Variants in HSPA12A observed in about 807,000 individuals in gnomAD.
HSPA12A encodes heat shock protein family A (Hsp70) member 12A, also known as heat shock 70 kDa protein 12A.
Under a neutral mutation model 69.2 loss-of-function variants are expected in HSPA12A, and 28 were observed. That is an observed-to-expected ratio of 0.40 (90% CI 0.30 to 0.55). The LOEUF (loss-of-function observed/expected upper bound fraction) is 0.55. HSPA12A is among the 20% of genes least tolerant of loss of function. The pLI is 0.38. For missense variants in HSPA12A, 686 were observed against 900.7 expected (o/e 0.76, Z 3.05); for synonymous variants, 345 against 370.5 (o/e 0.93, Z 0.79).
At chr10:116,777,830 C>A (rs999926684) in intron 2 of HSPA12A, among the ~76,000 whole-genome samples, 3 of 152,204 alleles carry the variant, frequency 2.0e-5, no homozygotes, top group Non-Finnish European at 4.4e-5. Flanking sequence ...TGGGTTCAAG[C>A]GATTCTCCTG....
At chr10:116,721,920 T>A (rs1554884414) in intron 1 of HSPA12A, among the ~76,000 whole-genome samples, 1 of 152,212 alleles carries the variant, frequency 6.6e-6, no homozygotes, top group African/African-American at 2.4e-5. Flanking sequence ...GACCCCTTGT[T>A]CCAGCCCCGA....
chr10:116,690,904 T>C (rs1849716872), intron 6 of HSPA12A, among the ~76,000 whole-genome samples: 1 of 152,060 alleles, frequency 6.6e-6, no homozygotes, highest in African/African-American at 2.4e-5. Context: ...AAACCATGAA[T>C]CTTGAATATT....
intron 1 of HSPA12A, among the ~76,000 whole-genome samples, chr10:116,708,860 G>A (rs370869909): frequency 2.0e-5 from 3 of 152,312 alleles, no homozygotes; most frequent in Admixed American, 2.0e-4. Context: ...CACTGACTAG[G>A]ATGGCTACAG....
chr10:116,745,732 A>G (rs1486409491), upstream of HSPA12A, among the ~76,000 whole-genome samples: 6 of 152,084 alleles, frequency 3.9e-5, no homozygotes, highest in Non-Finnish European at 8.8e-5. Context: ...CTCAGCTTGG[A>G]TGGCACTTCC....
Position 116,671,327 on chromosome 10 carries a change from T to G in HSPA12A, c.*3454A>C, listed in dbSNP as rs1303823232. The G allele has an allele frequency of 6.6e-6, 1 of 152,194 alleles. No homozygotes were observed. The highest frequency in any genetic ancestry group is 2.4e-5 in the African/African-American group (1 of 41,438). The allele number at this position is 152,194 out of a possible 1,614,324, so 9.4% of individuals were successfully genotyped here. ...TTGTAGTGAATGAGACCCCAGTAGC[T>G]GATATTTTAGAATACTGGTCCATAT... On this transcript the variant is annotated 3_prime_UTR_variant, in exon 12 of 12. Transcript: ENST00000369209.
chr10:116,755,742 C>T (rs1620193), intron 2 of HSPA12A, among the ~76,000 whole-genome samples: 8,416 of 146,992 alleles, frequency 0.057, 460 homozygotes, highest in East Asian at 0.31. Flanking sequence ...CCAAGACAGG[C>T]GAATGGCATG....
At chr10:116,820,694 C>T (rs1233120245) in intron 2 of HSPA12A, among the ~76,000 whole-genome samples, 1 of 152,108 alleles carries the variant, frequency 6.6e-6, no homozygotes, top group African/African-American at 2.4e-5. Context: ...CATCTACACT[C>T]TTTCCTTGGG....
chr10:116,768,599 G>A lies in HSPA12A; in HGVS notation c.92-61314C>T, dbSNP rs890755840. Reference sequence around the variant, plus strand: ...TGCAATCATGGCTCACTGCAACCTCGAACTCCTGGGCTCAAGTGAACCTCC... The same window carrying A: ...TGCAATCATGGCTCACTGCAACCTCAAACTCCTGGGCTCAAGTGAACCTCC... On this transcript the variant is annotated intron_variant, in intron 2 of 12. Transcript: ENST00000635765. Among the ~76,000 whole-genome samples the A allele has an allele frequency of 2.6e-5, 4 of 152,070 alleles. No homozygotes were observed. In the East Asian group the frequency reaches 5.8e-4, roughly 22 times the overall value.
At chr10:116,827,000 C>T (rs970915255) in intron 2 of HSPA12A, among the ~76,000 whole-genome samples, 1 of 152,108 alleles carries the variant, frequency 6.6e-6, no homozygotes, top group African/African-American at 2.4e-5. Context: ...GTGGCAAGCC[C>T]GATTCAGATC....
At chr10:116,804,159 A>C (rs1845019142) in intron 2 of HSPA12A, among the ~76,000 whole-genome samples, 1 of 152,004 alleles carries the variant, frequency 6.6e-6, no homozygotes, top group South Asian at 2.1e-4. Context: ...CCTCCAAAAA[A>C]ACGATGCACG....
At chr10:116,727,999 A>G (rs1554885262) in intron 1 of HSPA12A, among the ~76,000 whole-genome samples, 17 of 152,066 alleles carry the variant, frequency 1.1e-4, no homozygotes, top group Non-Finnish European at 2.5e-4. Flanking sequence ...TAGTAGAGAC[A>G]GGGTTTCACC....
intron 7 of HSPA12A, among the ~76,000 whole-genome samples, chr10:116,682,890 T>TTTTTTTA (rs1849460680): frequency 1.0e-5 from 1 of 98,996 alleles, no homozygotes; most frequent in African/African-American, 3.3e-5. Flanking sequence ...TTTTTTTTTG[T>TTTTTTTA]ATTTTTAGTA....
At chr10:116,696,002 C>CAAAAAAAAAGAAAAA (rs1849887830) in intron 5 of HSPA12A, among the ~76,000 whole-genome samples, 1 of 32,714 alleles carries the variant, frequency 3.1e-5, no homozygotes, top group African/African-American at 1.5e-4. Context: ...GACTCCATCT[C>CAAAAAAAAAGAAAAA]AAAAAAAAAA....
At chr10:116,796,115 T>C (rs1419562881) in intron 2 of HSPA12A, among the ~76,000 whole-genome samples, 1 of 128,184 alleles carries the variant, frequency 7.8e-6, no homozygotes, top group African/African-American at 3.2e-5. Context: ...GCCACTGCAC[T>C]CCAGCCTGGG....
chr10:116,794,658 C>G (rs1272969903), intron 2 of HSPA12A, among the ~76,000 whole-genome samples: 1 of 151,984 alleles, frequency 6.6e-6, no homozygotes, highest in Non-Finnish European at 1.5e-5. Flanking sequence ...ATTAAAAATA[C>G]AAAAATTAGC....
At chr10:116,761,400 C>G (rs1387380348) in intron 2 of HSPA12A, among the ~76,000 whole-genome samples, 1 of 151,442 alleles carries the variant, frequency 6.6e-6, no homozygotes, top group Non-Finnish European at 1.5e-5. Context: ...GTAGAAGAAT[C>G]ACTTGAATCT....
chr10:116,820,751 G>A (rs578134457), intron 2 of HSPA12A, among the ~76,000 whole-genome samples: 1 of 152,048 alleles, frequency 6.6e-6, no homozygotes, highest in East Asian at 1.9e-4. Flanking sequence ...ATATGCTAAT[G>A]AGTCCACGTT....
chr10:116,785,377 T>C (rs1231206751), intron 2 of HSPA12A, among the ~76,000 whole-genome samples: 1 of 152,076 alleles, frequency 6.6e-6, no homozygotes, highest in Non-Finnish European at 1.5e-5. Context: ...CCAGTGGACA[T>C]GGCAGCCCGG....
intron 2 of HSPA12A, among the ~76,000 whole-genome samples, chr10:116,759,801 G>C (rs1339807708): frequency 6.6e-6 from 1 of 152,080 alleles, no homozygotes; most frequent in Non-Finnish European, 1.5e-5. Flanking sequence ...CCTGGTGGGA[G>C]GTAATTGAAT....
Sources: gnomAD v4.1 joint callset for allele counts (sites outside exome capture counted in the v4.1 genomes callset) on GRCh38, gnomAD v4.1.1 for gene constraint, MANE v1.5 for transcripts, NCBI Gene and HGNC (gene_info 2026-07-23, HGNC 2026-07-21) for gene names.